Variants in NRG3 observed in about 807,000 individuals in gnomAD.
NRG3 encodes neuregulin 3.
In NRG3, 31 loss-of-function variants were observed where a neutral mutation model predicts 66.9. The ratio of observed to expected loss-of-function variants is 0.46; its 90% CI spans 0.35 to 0.63. NRG3 has a LOEUF of 0.63. NRG3 is among the 20% of genes least tolerant of loss of function. The pLI, the probability that NRG3 is intolerant of heterozygous loss-of-function variation, is 0.00. For missense variants in NRG3, 910 were observed against 878.9 expected, an observed-to-expected ratio of 1.04 and a Z score of -0.45; for synonymous variants, 393 against 359.4, an observed-to-expected ratio of 1.09 and a Z score of -1.06.
At chr10:81,901,050 C>T (rs112451558) in intron 1 of NRG3, among the ~76,000 whole-genome samples, 4 of 152,204 alleles carry the variant, frequency 2.6e-5, no homozygotes, top group Non-Finnish European at 2.9e-5. Flanking sequence ...ATTCCCTACT[C>T]TCTCTCCTTT....
chr10:81,990,138 A>G (rs2060684564), intron 1 of NRG3, among the ~76,000 whole-genome samples: 1 of 152,092 alleles, frequency 6.6e-6, no homozygotes, highest in Non-Finnish European at 1.5e-5. Context: ...CCGTATCTTT[A>G]CTCTTTAGAT....
intron 2 of NRG3, among the ~76,000 whole-genome samples, chr10:82,642,384 C>T (rs2050643760): frequency 6.6e-6 from 1 of 151,802 alleles, no homozygotes; most frequent in South Asian, 2.1e-4. Context: ...TGATTATTAA[C>T]AGCTGTTAAC....
chr10:82,185,725 C>T (rs2133281737), intron 1 of NRG3, among the ~76,000 whole-genome samples: 1 of 152,264 alleles, frequency 6.6e-6, no homozygotes, highest in South Asian at 2.1e-4. Flanking sequence ...CTGGTTGTCT[C>T]ATTACTGAAC....
rs146562428 is a variant in NRG3, at chr10:82,128,223, G to C, written c.824-230516G>C. 5.3e-5 allele frequency among the ~76,000 whole-genome samples: 8 copies of C among 152,104 alleles called. No homozygotes were observed. The East Asian group carries it at 1.6e-3, about 29-fold the overall frequency. On this transcript the variant is annotated intron_variant, in intron 1 of 8. Transcript: ENST00000372141. The stretch of plus-strand genomic sequence containing the variant: ...ATTAATAATGCACCATCACTTAAGA[G>C]TATGTGCATAATGGCATTGCATTTA...
intron 1 of NRG3, among the ~76,000 whole-genome samples, chr10:81,908,650 CTA>C (rs1242915650): frequency 1.3e-5 from 2 of 152,090 alleles, no homozygotes; most frequent in Non-Finnish European, 2.9e-5. Flanking sequence ...TTGTTCCTCT[CTA>C]TGTGGGAATG....
In NRG3 at chr10:82,484,204, T is replaced by C. The variant is rs538385516; in HGVS notation, c.953+125336T>C. Among the ~76,000 whole-genome samples the C allele has an allele frequency of 5.3e-5, 8 of 152,338 alleles. No individual in the cohort carries two copies. The South Asian group carries it at 1.7e-3, about 32-fold the overall frequency. The stretch of plus-strand genomic sequence containing the variant: ...TTAGTGAATGAGCCAAATCCCTGTT[T>C]TTCATTCCTGACTTTTAAGTACACT... On this transcript the variant is annotated intron_variant, in intron 2 of 8. Coordinates refer to ENST00000372141, the MANE Select transcript of NRG3 (RefSeq NM_001010848.4).
chr10:82,804,623 A>G (rs1482140856), intron 3 of NRG3, among the ~76,000 whole-genome samples: 2 of 152,184 alleles, frequency 1.3e-5, no homozygotes, highest in African/African-American at 4.8e-5. Context: ...TTGGATTCCA[A>G]TCTTGTAAAG....
rs149343670 is a variant in NRG3 at position 82,067,166 on chromosome 10, T to A, written c.823+191003T>A. Among the ~76,000 whole-genome samples the A allele has an allele frequency of 3.5e-4, 53 of 152,284 alleles. No homozygotes were observed. In the South Asian group the frequency reaches 3.7e-3, roughly 11 times the overall value. The stretch of plus-strand genomic sequence containing the variant: ...ACTTCTATTTCATTGTCAAACCCAA[T>A]TGACAAAAATTTGAAGTTAGTGGAA... On this transcript the variant is annotated intron_variant, in intron 1 of 8. Transcript: ENST00000372141.
chr10:82,718,984 GA>G (rs1212324922), intron 2 of NRG3, among the ~76,000 whole-genome samples: 5 of 152,074 alleles, frequency 3.3e-5, no homozygotes, highest in African/African-American at 9.7e-5. Flanking sequence ...GGCACAGAAT[GA>G]AAAAACTAGA....
chr10:81,974,221 T>C (rs1373213654), intron 1 of NRG3, among the ~76,000 whole-genome samples: 1 of 152,154 alleles, frequency 6.6e-6, no homozygotes, highest in Non-Finnish European at 1.5e-5. Context: ...TAGTTGTAGG[T>C]ATGCAGTCTT....
At position 82,135,300 on chromosome 10, in the gene NRG3, T is replaced by A. The variant is rs541474683; in HGVS notation, c.824-223439T>A. On this transcript the variant is annotated intron_variant, in intron 1 of 8. Coordinates refer to ENST00000372141, the MANE Select transcript of NRG3 (RefSeq NM_001010848.4). ...TCCTTGATCTTTGGTAGTTTGATTG[T>A]TAAATGTCTTGAGGTAGGCTTCTTT... is the stretch of plus-strand genomic sequence containing the variant. Among the ~76,000 whole-genome samples, 27 of 152,244 alleles carry A rather than the reference T, an allele frequency of 1.8e-4. No homozygotes were observed. In the South Asian group the frequency reaches 3.5e-3, roughly 20 times the overall value.
intron 2 of NRG3, among the ~76,000 whole-genome samples, chr10:82,676,446 G>A (rs994708956): frequency 6.6e-6 from 1 of 152,012 alleles, no homozygotes; most frequent in African/African-American, 2.4e-5. Context: ...ACAGAAAAAG[G>A]TGAACATATT....
At chr10:82,027,609 G>T (rs2132837794) in intron 1 of NRG3, among the ~76,000 whole-genome samples, 1 of 152,196 alleles carries the variant, frequency 6.6e-6, no homozygotes, top group East Asian at 1.9e-4. Flanking sequence ...ATATTGGTGT[G>T]CCCTTGCTCA....
chr10:81,948,442 G>A (rs532328692), intron 1 of NRG3, among the ~76,000 whole-genome samples: 1 of 152,272 alleles, frequency 6.6e-6, no homozygotes, highest in East Asian at 1.9e-4. Context: ...TCAAACCAAC[G>A]GTTCTGGCCA....
intron 1 of NRG3, among the ~76,000 whole-genome samples, chr10:81,960,660 T>A (rs1434512147): frequency 6.6e-6 from 1 of 151,130 alleles, no homozygotes; most frequent in Non-Finnish European, 1.5e-5. Flanking sequence ...TGTTTACTGG[T>A]TAAAGAGACA....
At chr10:81,932,497 A>G (rs1381071756) in intron 1 of NRG3, among the ~76,000 whole-genome samples, 1 of 152,190 alleles carries the variant, frequency 6.6e-6, no homozygotes, top group African/African-American at 2.4e-5. Flanking sequence ...CAATTATTTC[A>G]AAACCATTTC....
At chr10:82,442,968 C>T (rs2090520008) in intron 2 of NRG3, among the ~76,000 whole-genome samples, 1 of 151,804 alleles carries the variant, frequency 6.6e-6, no homozygotes, top group African/African-American at 2.4e-5. Flanking sequence ...TAGAGGGAGA[C>T]AGCCGCTAGA....
intron 2 of NRG3, among the ~76,000 whole-genome samples, chr10:82,655,480 A>T (rs1186877320): frequency 2.0e-5 from 3 of 152,166 alleles, no homozygotes; most frequent in African/African-American, 2.4e-5. Flanking sequence ...ATAATTAGAC[A>T]TGAATTTTCC....
chr10:81,987,232 A>G (rs1003545177), intron 1 of NRG3, among the ~76,000 whole-genome samples: 9 of 151,952 alleles, frequency 5.9e-5, no homozygotes, highest in Non-Finnish European at 1.2e-4. Flanking sequence ...CTACAGGCGC[A>G]CGCCACCACA....
Sources: gnomAD v4.1 joint callset for allele counts (sites outside exome capture counted in the v4.1 genomes callset) on GRCh38, gnomAD v4.1.1 for gene constraint, MANE v1.5 for transcripts, NCBI Gene and HGNC (gene_info 2026-07-23, HGNC 2026-07-21) for gene names.